Variants in WDHD1 observed in about 807,000 individuals in gnomAD.
The protein encoded by WDHD1 is WD repeat and HMG-box DNA binding protein 1.
Under a neutral mutation model 135.4 loss-of-function variants are expected in WDHD1, and 111 were observed. The observed-to-expected ratio is 0.82, with a 90% confidence interval of 0.70 to 0.96. The LOEUF (loss-of-function observed/expected upper bound fraction) is 0.96, where lower values mean the gene tolerates loss of function less well. Ranked by LOEUF, WDHD1 falls within the 40% of genes least tolerant of loss-of-function variation. The pLI is 0.00. For synonymous variants in WDHD1, 434 were observed against 439.0 expected (o/e 0.99, Z 0.14); for missense variants, 1,351 against 1,336.3 (o/e 1.01, Z -0.17).
In WDHD1 at chr14:54,963,096, G is replaced by A. The variant is rs777003411; in HGVS notation, c.2387C>T (p.Ala796Val). ...DLMTQNAVNL[A>V]IKYASRSRKL... ...CCGAGAGCGAGAAGCATATTTAATGGCTAAATTCACAGCATTTTGAGTCAT... is the reference window on the plus strand; with the variant it reads ...CCGAGAGCGAGAAGCATATTTAATGACTAAATTCACAGCATTTTGAGTCAT... Residue 796 changes from alanine to valine, a missense_variant, in exon 19 of 26, where the codon GCC becomes GTC. Coordinates refer to ENST00000360586, the MANE Select transcript of WDHD1 (RefSeq NM_007086.4). 19 of 1,518,980 alleles carry A rather than the reference G, an allele frequency of 1.3e-5. No homozygotes were observed. 94.1% of individuals were successfully genotyped at this position (1,518,980 alleles called of 1,614,324 possible).
intron 8 of WDHD1, among the ~76,000 whole-genome samples, chr14:55,001,584 A>G (rs1302316197): frequency 6.6e-6 from 1 of 152,180 alleles, no homozygotes; most frequent in African/African-American, 2.4e-5. Flanking sequence ...TTTCAAAGCA[A>G]AACCTAAAAA....
At chr14:54,971,390 A>G (rs1398354031) in intron 16 of WDHD1, among the ~76,000 whole-genome samples, 2 of 152,166 alleles carry the variant, frequency 1.3e-5, no homozygotes, top group African/African-American at 4.8e-5. Flanking sequence ...CAGCCTGGGC[A>G]ACAAAGGGAG....
At chr14:54,980,881 C>T (rs1395875289) in intron 16 of WDHD1, among the ~76,000 whole-genome samples, 1 of 149,932 alleles carries the variant, frequency 6.7e-6, no homozygotes, top group East Asian at 2.0e-4. Context: ...GAGGCCGAGG[C>T]AGGCAGATCA....
At chr14:55,014,708 A>G (rs1210065665) in intron 2 of WDHD1, among the ~76,000 whole-genome samples, 4 of 152,210 alleles carry the variant, frequency 2.6e-5, no homozygotes. Flanking sequence ...TAATGTACAT[A>G]ATAAAATACA....
chr14:54,946,850 C>A (rs1450159311), intron 24 of WDHD1, among the ~76,000 whole-genome samples: 1 of 152,070 alleles, frequency 6.6e-6, no homozygotes, highest in Non-Finnish European at 1.5e-5. Flanking sequence ...TTGAGACCAG[C>A]CTGGCCAACG....
rs1329209660 is a variant in WDHD1 at position 54,939,901 on chromosome 14, T to C, written c.*1589A>G. ...TATATCAACCTAGTATTATAAAATA[T>C]ATACAAAGCAAGTTGAGGAACCAAA... is the stretch of plus-strand genomic sequence containing the variant. On this transcript the variant is annotated 3_prime_UTR_variant, in exon 26 of 26. Transcript: ENST00000360586. The C allele has an allele frequency of 6.6e-6, 1 of 152,204 alleles. No homozygotes were observed. The highest frequency in any genetic ancestry group is 1.5e-5 in the Non-Finnish European group (1 of 68,034). 9.4% of individuals were successfully genotyped at this position (152,204 alleles called of 1,614,324 possible).
intron 10 of WDHD1, among the ~76,000 whole-genome samples, chr14:54,997,833 C>T (rs991047055): frequency 3.3e-5 from 5 of 150,902 alleles, no homozygotes; most frequent in Admixed American, 3.3e-4. Flanking sequence ...ATCACTTGAA[C>T]CCGGGAAGCA....
At chr14:54,962,159 C>T (rs1042469720) in intron 21 of WDHD1, among the ~76,000 whole-genome samples, 5 of 152,036 alleles carry the variant, frequency 3.3e-5, no homozygotes, top group African/African-American at 1.2e-4. Context: ...ACTGTTTCTC[C>T]AGTATCCTGC....
At chr14:54,942,935 G>A (rs186761742) in intron 25 of WDHD1, among the ~76,000 whole-genome samples, 25 of 152,250 alleles carry the variant, frequency 1.6e-4, no homozygotes, top group Non-Finnish European at 2.8e-4. Flanking sequence ...TTATTTAGAC[G>A]CCATTTTATT....
intron 7 of WDHD1, among the ~76,000 whole-genome samples, chr14:55,003,877 T>C (rs145776597): frequency 1.8e-3 from 271 of 152,266 alleles, no homozygotes; most frequent in Middle Eastern, 6.8e-3. Flanking sequence ...AACTGTATAT[T>C]TTTTATGTAC....
intron 5 of WDHD1, 48 bp downstream of exon 5, chr14:55,008,560 T>A: frequency 6.6e-7 from 1 of 1,519,978 alleles, no homozygotes; most frequent in South Asian, 1.2e-5. Context: ...AAATATATTT[T>A]TAAACATATT....
At chr14:54,981,961 C>T (rs2041625278) in intron 15 of WDHD1, among the ~76,000 whole-genome samples, 1 of 151,708 alleles carries the variant, frequency 6.6e-6, no homozygotes, top group African/African-American at 2.4e-5. Context: ...GAAAACTATG[C>T]CACCTGCTGG....
Position 55,000,509 on chromosome 14 carries a change from G to A in WDHD1, c.936C>T (p.Ser312=). Residue 312 remains serine, a synonymous_variant, in exon 10 of 26, where the codon AGC becomes AGT. Coordinates refer to ENST00000360586, the MANE Select transcript of WDHD1 (RefSeq NM_007086.4). ...NVCDPSGKTS[S]SKVSSRVEKD... ...GTACCATACTCCCTTTTACCTTACT[G>A]CTTGATGTCTTTCCACTGGGGTCAC... is the stretch of plus-strand genomic sequence containing the variant. 6.2e-7 allele frequency: 1 copy of A among 1,602,822 alleles called. No individual in the cohort carries two copies.
rs375832046 is a variant in WDHD1, at chr14:54,981,708, C to G, written c.1907-12G>C. On this transcript the variant is annotated splice_polypyrimidine_tract_variant and intron_variant, in intron 15 of 25. Transcript: ENST00000360586. ...GTAACAAGGGGTACCTAAACACCAA[C>G]AGAAAAATCACTTGGAGACATAGCT... 5 of 1,580,542 alleles carry G rather than the reference C, an allele frequency of 3.2e-6. No homozygotes were observed. The African/African-American group carries it at 6.7e-5, about 21-fold the overall frequency.
intron 16 of WDHD1, among the ~76,000 whole-genome samples, chr14:54,977,632 GT>G (rs745446031): frequency 1.3e-5 from 2 of 152,064 alleles, no homozygotes; most frequent in African/African-American, 2.4e-5. Context: ...AAGGACTCTT[GT>G]TCAAGTCCAG....
intron 13 of WDHD1, among the ~76,000 whole-genome samples, chr14:54,988,154 C>T (rs896888426): frequency 1.6e-4 from 25 of 152,226 alleles, no homozygotes; most frequent in African/African-American, 5.8e-4. Context: ...ACCTACTTAT[C>T]AAAACATGTA....
chr14:54,973,642 T>A (rs937446174), intron 16 of WDHD1, among the ~76,000 whole-genome samples: 1 of 152,208 alleles, frequency 6.6e-6, no homozygotes, highest in Non-Finnish European at 1.5e-5. Context: ...TTACTAGTCA[T>A]GCAAAATGAA....
At chr14:54,968,373 G>C (rs1367450197) in intron 16 of WDHD1, among the ~76,000 whole-genome samples, 1 of 151,936 alleles carries the variant, frequency 6.6e-6, no homozygotes, top group Non-Finnish European at 1.5e-5. Context: ...AATGTTAAGA[G>C]GAACGTTTAT....
At chr14:54,978,576 C>T (rs1394314404) in intron 16 of WDHD1, among the ~76,000 whole-genome samples, 5 of 150,820 alleles carry the variant, frequency 3.3e-5, no homozygotes, top group East Asian at 1.9e-4. Context: ...ATGAGTGATA[C>T]CCTGGCTCTA....
Sources: allele counts gnomAD v4.1 joint callset (sites outside exome capture counted in the v4.1 genomes callset), GRCh38; gene constraint gnomAD v4.1.1; transcripts MANE v1.5; gene names NCBI Gene and HGNC (gene_info 2026-07-23, HGNC 2026-07-21).